Variants in TIAM2 observed in about 807,000 individuals in gnomAD.
The protein encoded by TIAM2 is TIAM Rac1 associated GEF 2, also known as rho guanine nucleotide exchange factor TIAM2.
A neutral mutation model predicts 152.9 loss-of-function variants in TIAM2; 80 were observed. That is an observed-to-expected ratio of 0.52 (90% CI 0.44 to 0.63). The LOEUF is 0.63. Ranked by LOEUF, TIAM2 falls within the 30% of genes least tolerant of loss-of-function variation. The pLI is 0.00. For missense variants in TIAM2, 1,965 were observed against 2,120.1 expected (o/e 0.93, Z 1.44); for synonymous variants, 804 against 838.0 (o/e 0.96, Z 0.70).
chr6:155,125,897 G>GACAATA (rs1186462104), intron 2 of TIAM2, among the ~76,000 whole-genome samples: 3 of 151,868 alleles, frequency 2.0e-5, no homozygotes, highest in Non-Finnish European at 4.4e-5. Context: ...GTGTGCTTAT[G>GACAATA]ACAATAAATA....
chr6:155,226,776 C>T (rs1782263529), intron 15 of TIAM2, among the ~76,000 whole-genome samples: 1 of 152,228 alleles, frequency 6.6e-6, no homozygotes, highest in Admixed American at 6.5e-5. Context: ...CAGGTGGTGA[C>T]ATAGTCCCTT....
chr6:155,193,992 G>T (rs925067736), intron 14 of TIAM2, among the ~76,000 whole-genome samples: 2 of 152,186 alleles, frequency 1.3e-5, no homozygotes, highest in African/African-American at 4.8e-5. Flanking sequence ...AAGGGTCTTG[G>T]TGACCCCAGG....
chr6:155,254,381 G>A (rs1171535223), intron 25 of TIAM2, 38 bp from the exon 26 acceptor site: 8 of 1,603,456 alleles, frequency 5.0e-6, no homozygotes, highest in African/African-American at 4.0e-5. Flanking sequence ...GATGAACACT[G>A]TGGACACTTC....
At chr6:155,203,672 C>G (rs1477557914) in intron 14 of TIAM2, among the ~76,000 whole-genome samples, 1 of 152,178 alleles carries the variant, frequency 6.6e-6, no homozygotes, top group Non-Finnish European at 1.5e-5. Context: ...GTTTTCACAT[C>G]AGAAGGGGTT....
chr6:155,253,292 A>C, intron 24 of TIAM2: 1 of 498,674 alleles, frequency 2.0e-6, no homozygotes, highest in South Asian at 3.3e-5. Context: ...TTTCCCTATC[A>C]ATAGTTTTCA....
At chr6:155,244,439 A>C (rs1242760752) in intron 17 of TIAM2, among the ~76,000 whole-genome samples, 2 of 152,244 alleles carry the variant, frequency 1.3e-5, no homozygotes, top group Non-Finnish European at 2.9e-5. Flanking sequence ...CCACTTAAAA[A>C]TTTACTGTAG....
At chr6:155,047,704 A>AGAGAGAG (rs1442589416) in intron 1 of TIAM2, among the ~76,000 whole-genome samples, 5 of 82,216 alleles carry the variant, frequency 6.1e-5, no homozygotes, top group East Asian at 6.3e-4. Context: ...AGAGAGAGAG[A>AGAGAGAG]GCGAGAGAGA....
rs529641567 is a variant in TIAM2 at position 155,156,714 on chromosome 6, G to A, written c.2029-7701G>A. ...AAAAAGCACATGTGATCCTGTGATT[G>A]CCAGATAAAGTCCCTGATAACCTCT... On this transcript the variant is annotated intron_variant, in intron 7 of 26. Coordinates refer to ENST00000682666, the MANE Select transcript of TIAM2 (RefSeq NM_012454.4). This position sits in a 1 kb window ranked among gnomAD's most constrained non-coding sequence, Gnocchi z 4.4. 2.3e-3 allele frequency among the ~76,000 whole-genome samples: 352 copies of A among 152,198 alleles called. 1 individual carries two copies. The highest frequency in any genetic ancestry group is 4.3e-3 in the Non-Finnish European group (292 of 68,010).
intron 7 of TIAM2, among the ~76,000 whole-genome samples, chr6:155,161,722 C>T (rs1780276115): frequency 7.0e-6 from 1 of 142,780 alleles, no homozygotes; most frequent in African/African-American, 2.6e-5. Context: ...CGTGTGCCAC[C>T]ACACCTGGCT....
intron 1 of TIAM2, among the ~76,000 whole-genome samples, chr6:155,047,692 A>AG (rs1562300117): frequency 1.9e-3 from 10 of 5,400 alleles, no homozygotes; most frequent in African/African-American, 6.4e-3. Context: ...GAGAGAGGAG[A>AG]GAGAGAGAGA....
chr6:155,030,903 G>C (rs536333414), intron 1 of TIAM2, among the ~76,000 whole-genome samples: 70 of 152,176 alleles, frequency 4.6e-4, no homozygotes, highest in Non-Finnish European at 7.8e-4. Flanking sequence ...TAGAAGACTT[G>C]GGGAAATAAA....
At chr6:155,119,012 A>T (rs1245926091) in intron 2 of TIAM2, among the ~76,000 whole-genome samples, 1 of 147,974 alleles carries the variant, frequency 6.8e-6, no homozygotes, top group African/African-American at 2.5e-5. Context: ...TTGGACAATG[A>T]CTTCCCTTCC....
At chr6:155,038,159 G>C (rs972795233) in intron 1 of TIAM2, among the ~76,000 whole-genome samples, 3 of 152,174 alleles carry the variant, frequency 2.0e-5, no homozygotes, top group Non-Finnish European at 4.4e-5. Context: ...CATGTAATGA[G>C]GATGGTAATA....
chr6:155,071,895 C>CA (rs374621162), intron 1 of TIAM2, among the ~76,000 whole-genome samples: 10,034 of 108,768 alleles, frequency 0.092, 466 homozygotes, highest in East Asian at 0.26. Flanking sequence ...AACTCTGTGT[C>CA]AAAAAAAAAA....
chr6:155,029,959 A>G (rs1023116331), intron 1 of TIAM2, among the ~76,000 whole-genome samples: 2 of 151,420 alleles, frequency 1.3e-5, no homozygotes, highest in Non-Finnish European at 2.9e-5. Flanking sequence ...TGCCTGGCTA[A>G]TTTTTGTATG....
At chr6:155,089,076 AT>A (rs1778237123) in intron 1 of TIAM2, among the ~76,000 whole-genome samples, 2 of 152,200 alleles carry the variant, frequency 1.3e-5, no homozygotes, top group African/African-American at 4.8e-5. Flanking sequence ...ATTTTAAACA[AT>A]GAAAAAAAAG....
intron 1 of TIAM2, among the ~76,000 whole-genome samples, chr6:155,001,538 T>C (rs953074402): frequency 2.6e-5 from 4 of 152,170 alleles, no homozygotes; most frequent in Non-Finnish European, 4.4e-5. Flanking sequence ...CCTGAGAAGG[T>C]TCCCTGCCAG....
intron 1 of TIAM2, among the ~76,000 whole-genome samples, chr6:155,063,781 C>A (rs1197133339): frequency 9.3e-3 from 843 of 90,618 alleles, no homozygotes; most frequent in East Asian, 0.019. Flanking sequence ...GACTCTGTCT[C>A]AAAAAAAAAA....
chr6:155,148,337 A>T lies in TIAM2; in HGVS notation c.2028+3A>T. The T allele has an allele frequency of 6.2e-7, 1 of 1,610,148 alleles. No homozygotes were observed. The highest frequency in any genetic ancestry group is 8.5e-7 in the Non-Finnish European group (1 of 1,178,956). On this transcript the variant is annotated splice_donor_region_variant and intron_variant, in intron 7 of 26. Coordinates refer to ENST00000682666, the MANE Select transcript of TIAM2 (RefSeq NM_012454.4). ...ACAGGAAAGCCATAGAGAACCAGGT[A>T]CTGTTTGTCTACACCTGAGTTTTCT... is the stretch of plus-strand genomic sequence containing the variant.
Sources: allele counts gnomAD v4.1 joint callset (sites outside exome capture counted in the v4.1 genomes callset), GRCh38; gene constraint gnomAD v4.1.1; non-coding constraint Gnocchi (gnomAD v3.1); transcripts MANE v1.5; gene names NCBI Gene and HGNC (gene_info 2026-07-23, HGNC 2026-07-21).